GDI2: variants seen among roughly 807,000 people sequenced by gnomAD.
GDI2 encodes the protein GDP dissociation inhibitor 2, also known as rab GDP dissociation inhibitor beta.
A neutral mutation model predicts 54.2 loss-of-function variants in GDI2; 22 were observed. The ratio of observed to expected loss-of-function variants is 0.41; its 90% CI spans 0.29 to 0.58. The LOEUF is 0.58. Among genes scored for constraint, GDI2 ranks in the 20% least tolerant of loss-of-function variants. GDI2 has a pLI of 0.35. For synonymous variants in GDI2, 177 were observed against 182.1 expected (o/e 0.97, Z 0.23); for missense variants, 422 against 546.0 (o/e 0.77, Z 2.26).
intron 1 of GDI2, among the ~76,000 whole-genome samples, chr10:5,800,909 T>C (rs928147053): frequency 6.6e-6 from 1 of 152,142 alleles, no homozygotes; most frequent in African/African-American, 2.4e-5. Flanking sequence ...ATTAAAACTG[T>C]TTCATAATAA....
intron 4 of GDI2, among the ~76,000 whole-genome samples, chr10:5,789,329 G>A (rs760756266): frequency 2.0e-5 from 3 of 151,412 alleles, no homozygotes; most frequent in Non-Finnish European, 4.4e-5. Flanking sequence ...CGAACTCTCG[G>A]GCTCAAGTGA....
intron 1 of GDI2, among the ~76,000 whole-genome samples, chr10:5,810,410 C>G (rs751577225): frequency 1.3e-5 from 2 of 152,084 alleles, no homozygotes; most frequent in Non-Finnish European, 2.9e-5. Context: ...GAACTATGTG[C>G]AAATTATGTG....
At chr10:5,775,105 T>C (rs1310837155) in intron 6 of GDI2, among the ~76,000 whole-genome samples, 1 of 152,208 alleles carries the variant, frequency 6.6e-6, no homozygotes, top group Non-Finnish European at 1.5e-5. Flanking sequence ...CTTGGCAACA[T>C]GCTGAAACCC....
chr10:5,777,046 G>T (rs918915123), intron 6 of GDI2, among the ~76,000 whole-genome samples: 6 of 152,330 alleles, frequency 3.9e-5, no homozygotes, highest in African/African-American at 1.2e-4. Context: ...CTGATTCACT[G>T]ACTCGAGCTA....
chr10:5,801,929 A>G (rs547827489), intron 1 of GDI2, among the ~76,000 whole-genome samples: 1 of 151,670 alleles, frequency 6.6e-6, no homozygotes, highest in South Asian at 2.1e-4. Flanking sequence ...AACTGCTTGA[A>G]CCCAGGAGGC....
At chr10:5,813,146 G>A in intron 1 of GDI2, 68 bp downstream of exon 1, 3 of 942,874 alleles carry the variant, frequency 3.2e-6, no homozygotes, top group Non-Finnish European at 4.7e-6. Flanking sequence ...CGACCCGCGG[G>A]CCGTGCAGGA....
intron 6 of GDI2, among the ~76,000 whole-genome samples, chr10:5,782,102 A>G (rs144605191): frequency 4.0e-3 from 613 of 152,366 alleles, no homozygotes; most frequent in Non-Finnish European, 7.3e-3. Context: ...AAGACTTGCC[A>G]CCATCATACA....
At chr10:5,808,700 A>T (rs1175828499) in intron 1 of GDI2, among the ~76,000 whole-genome samples, 3 of 109,708 alleles carry the variant, frequency 2.7e-5, no homozygotes, top group Non-Finnish European at 3.8e-5. Flanking sequence ...TTGTTATTAA[A>T]AAAAAAAAAA....
At chr10:5,772,871 G>T (rs1168192842) in intron 7 of GDI2, among the ~76,000 whole-genome samples, 1 of 152,190 alleles carries the variant, frequency 6.6e-6, no homozygotes, top group East Asian at 1.9e-4. Context: ...GGCTGTGGGT[G>T]CGGAACACCT....
chr10:5,810,359 A>G (rs928868658), intron 1 of GDI2, among the ~76,000 whole-genome samples: 1 of 152,242 alleles, frequency 6.6e-6, no homozygotes, highest in African/African-American at 2.4e-5. Flanking sequence ...TTAATCTACT[A>G]TGTCTAACAA....
chr10:5,791,895 G>C (rs539708057), intron 4 of GDI2, among the ~76,000 whole-genome samples: 1 of 152,078 alleles, frequency 6.6e-6, no homozygotes, highest in Non-Finnish European at 1.5e-5. Flanking sequence ...TAGCCTGGGG[G>C]ACAAAGAAAA....
intron 6 of GDI2, among the ~76,000 whole-genome samples, chr10:5,779,692 T>C (rs565535981): frequency 2.3e-4 from 34 of 146,360 alleles, no homozygotes; most frequent in Non-Finnish European, 4.5e-4. Context: ...AAAAGTTTGA[T>C]GCTTTTTTTT....
At position 5,796,818 on chromosome 10, in the gene GDI2, C is replaced by A; in HGVS notation, c.198G>T (p.Met66Ile). The A allele has an allele frequency of 6.3e-7, 1 of 1,593,426 alleles. No individual in the cohort carries two copies. Among genetic ancestry groups the A allele is most frequent in the Non-Finnish European group, 8.6e-7 (1 of 1,161,632 alleles). Residue 66 changes from methionine (M) to isoleucine (I), a missense_variant, in exon 3 of 11, where the codon ATG becomes ATT. By Grantham distance (10) the Met-to-Ile change is conservative. Transcript: ENST00000380191. ...CAACATTCCAGTCTCTTCCTCTCCCCATTGACTCGGGTGGTGATCCTGGTA... is the reference window on the plus strand; with the variant it reads ...CAACATTCCAGTCTCTTCCTCTCCCAATTGACTCGGGTGGTGATCCTGGTA... ...FKIPGSPPES[M>I]GRGRDWNVDL...
rs529747346 is a variant in GDI2, at chr10:5,784,151, G to C, written c.719+991C>G. Among the ~76,000 whole-genome samples, 4 of 152,218 alleles carry C rather than the reference G, an allele frequency of 2.6e-5. No homozygotes were observed. In the East Asian group the frequency reaches 5.8e-4, roughly 22 times the overall value. ...TTTAAATTCTTTTTTGTCTTTGTCA[G>C]ATTGGGCTAATTCAAAAGCCTTGTC... On this transcript the variant is annotated intron_variant, in intron 6 of 10. Transcript: ENST00000380191.
intron 6 of GDI2, among the ~76,000 whole-genome samples, chr10:5,782,860 G>A (rs185488275): frequency 6.6e-6 from 1 of 152,162 alleles, no homozygotes; most frequent in Non-Finnish European, 1.5e-5. Context: ...TGGAACCCAG[G>A]GGGTGGAGGT....
At chr10:5,779,675 GA>G (rs200100514) in intron 6 of GDI2, among the ~76,000 whole-genome samples, 2,524 of 143,782 alleles carry the variant, frequency 0.018, 36 homozygotes, top group Non-Finnish European at 0.028. Flanking sequence ...CAGAGAGGGG[GA>G]AAAAAAAAAG....
In GDI2 at chr10:5,783,708, GCT is replaced by G. The variant is rs1840810384; in HGVS notation, c.719+1432_719+1433del. Reference sequence around the variant, plus strand: ...AAGACTACTTTCCTTCATTTATGAAGCTCTGTTTCACTGGATACAAAATTACT... The same window carrying G: ...AAGACTACTTTCCTTCATTTATGAAGCTGTTTCACTGGATACAAAATTACT... On this transcript the variant is annotated intron_variant, in intron 6 of 10. Transcript: ENST00000380191. Among the ~76,000 whole-genome samples the G allele has an allele frequency of 2.6e-5, 4 of 152,194 alleles. 1 individual carries two copies. Among genetic ancestry groups the G allele is most frequent in the Admixed American group, 2.0e-4 (3 of 15,266 alleles).
chr10:5,813,144 G>T, intron 1 of GDI2, 70 bp downstream of exon 1: 1 of 922,874 alleles, frequency 1.1e-6, no homozygotes, highest in Non-Finnish European at 1.6e-6. Flanking sequence ...TGCGACCCGC[G>T]GGCCGTGCAG....
At chr10:5,794,772 A>C in intron 4 of GDI2, 113 bp downstream of exon 4, 1 of 736,708 alleles carries the variant, frequency 1.4e-6, no homozygotes, top group Non-Finnish European at 2.3e-6. Context: ...GGCACATGAT[A>C]GACATTCAAT....
Sources: gnomAD v4.1 joint callset for allele counts (sites outside exome capture counted in the v4.1 genomes callset) on GRCh38, gnomAD v4.1.1 for gene constraint, MANE v1.5 for transcripts, NCBI Gene and HGNC (gene_info 2026-07-23, HGNC 2026-07-21) for gene names.